Variants in SORCS2 observed in about 807,000 individuals in gnomAD.
SORCS2 encodes VPS10 domain-containing receptor SorCS2.
In SORCS2, 100 loss-of-function variants were observed where a neutral mutation model predicts 141.6. That is an observed-to-expected ratio of 0.71 (90% confidence interval 0.60 to 0.83). SORCS2 has a LOEUF of 0.83. SORCS2 is among the 40% of genes least tolerant of loss of function. The pLI is 0.00. For synonymous variants in SORCS2, 789 were observed against 676.9 expected (o/e 1.17, Z -2.57); for missense variants, 1,646 against 1,560.2 (o/e 1.05, Z -0.93).
intron 1 of SORCS2, among the ~76,000 whole-genome samples, chr4:7,376,346 G>T (rs2109057762): frequency 6.6e-6 from 1 of 152,316 alleles, no homozygotes; most frequent in Non-Finnish European, 1.5e-5. Context: ...GGAAGCCAAG[G>T]CTGGTGGATC....
chr4:7,215,954 C>T (rs1728323890), intron 1 of SORCS2, among the ~76,000 whole-genome samples: 1 of 151,892 alleles, frequency 6.6e-6, no homozygotes. Context: ...CTGCCGGAGC[C>T]AGCAGTGGCA....
chr4:7,332,731 CA>C (rs1362726179), intron 1 of SORCS2, among the ~76,000 whole-genome samples: 1 of 152,230 alleles, frequency 6.6e-6, no homozygotes, highest in African/African-American at 2.4e-5. Context: ...CGAGTGAGCA[CA>C]AGCCCCTCTT....
intron 3 of SORCS2, among the ~76,000 whole-genome samples, chr4:7,617,611 G>A (rs887389609): frequency 5.9e-5 from 9 of 152,220 alleles, no homozygotes; most frequent in Non-Finnish European, 8.8e-5. Flanking sequence ...GGGCACAAGC[G>A]TGGAGCAAGG....
intron 1 of SORCS2, among the ~76,000 whole-genome samples, chr4:7,388,374 G>T (rs1327254136): frequency 3.9e-5 from 6 of 152,216 alleles, no homozygotes; most frequent in Non-Finnish European, 7.3e-5. Context: ...AAAGCCACCT[G>T]TGTTCTGGGA....
intron 2 of SORCS2, chr4:7,433,195 C>A (rs561774379): frequency 5.4e-6 from 6 of 1,105,768 alleles, no homozygotes; most frequent in Non-Finnish European, 7.1e-6. Context: ...TGAACTTCAG[C>A]TCTGCTCCTT....
At position 7,737,311 on chromosome 4, in the gene SORCS2, G is replaced by A; in HGVS notation, c.3415+139G>A. The A allele has an allele frequency of 3.9e-6, 5 of 1,269,656 alleles. No homozygotes were observed. In the South Asian group the frequency reaches 6.1e-5, roughly 15 times the overall value. 78.6% of individuals were successfully genotyped at this position (1,269,656 alleles called of 1,614,324 possible). A position where few individuals can be genotyped will look rare whatever the true frequency, so the allele number is the denominator to read the frequency against. On this transcript the variant is annotated intron_variant, in intron 26 of 26. Transcript: ENST00000507866. Reference sequence around the variant, plus strand: ...CTGGCCCAGCAGCCCTTGCCAGCGGGTCGGTCGGGCCCACTGTGTCCCCTC... The same window carrying A: ...CTGGCCCAGCAGCCCTTGCCAGCGGATCGGTCGGGCCCACTGTGTCCCCTC...
rs116285350 is a variant in SORCS2, at chr4:7,240,504, T to C, written c.480+47378T>C. ...ATAATTAGAAGTGATTATCTTCCTC[T>C]GATTCTGCCGAACGTTTCCCCGTCC... On this transcript the variant is annotated intron_variant, in intron 1 of 26. Coordinates refer to ENST00000507866, the MANE Select transcript of SORCS2 (RefSeq NM_020777.3). 4.1e-3 allele frequency among the ~76,000 whole-genome samples: 618 copies of C among 152,304 alleles called. 4 individuals carry two copies. Among genetic ancestry groups the C allele is most frequent in the African/African-American group, 0.014 (564 of 41,562 alleles).
At chr4:7,481,220 C>T (rs901348385) in intron 2 of SORCS2, among the ~76,000 whole-genome samples, 18 of 152,240 alleles carry the variant, frequency 1.2e-4, no homozygotes, top group African/African-American at 3.9e-4. Context: ...ACAGCGTCTG[C>T]GACCCTGAGA....
At chr4:7,646,060 G>C (rs574237595) in intron 4 of SORCS2, among the ~76,000 whole-genome samples, 1 of 152,246 alleles carries the variant, frequency 6.6e-6, no homozygotes, top group African/African-American at 2.4e-5. Flanking sequence ...TGGGCCTTGC[G>C]CACCCGGCAG....
At chr4:7,397,972 G>A (rs6844106) in intron 2 of SORCS2, among the ~76,000 whole-genome samples, 10,299 of 152,270 alleles carry the variant, frequency 0.068, 454 homozygotes, top group African/African-American at 0.13. Flanking sequence ...GGGGATACCC[G>A]CCTCACAAGT....
chr4:7,403,993 ATATATTTTTTTTTT>A (rs1256646697), intron 2 of SORCS2, among the ~76,000 whole-genome samples: 1,555 of 7,686 alleles, frequency 0.2, 52 homozygotes, highest in Middle Eastern at 0.31. Flanking sequence ...ATATATATAT[ATATATTTTTTTTTT>A]TTTTTTAGTA....
intron 2 of SORCS2, among the ~76,000 whole-genome samples, chr4:7,426,223 T>C (rs1388317662): frequency 6.7e-6 from 1 of 150,304 alleles, no homozygotes; most frequent in Non-Finnish European, 1.5e-5. Context: ...GGGGAAGCCC[T>C]GGGTCTGCTG....
intron 3 of SORCS2, among the ~76,000 whole-genome samples, chr4:7,546,882 T>C (rs753641559): frequency 3.9e-5 from 6 of 152,252 alleles, no homozygotes; most frequent in Non-Finnish European, 7.3e-5. Context: ...TTATCCCTTG[T>C]GCAGTAGGGA....
chr4:7,313,133 C>G (rs1184827303), intron 1 of SORCS2, among the ~76,000 whole-genome samples: 1 of 152,254 alleles, frequency 6.6e-6, no homozygotes, highest in Non-Finnish European at 1.5e-5. Context: ...TAATTTCACC[C>G]AAGCAAATGA....
At chr4:7,406,790 G>A (rs1049058378) in intron 2 of SORCS2, among the ~76,000 whole-genome samples, 37 of 151,546 alleles carry the variant, frequency 2.4e-4, no homozygotes, top group African/African-American at 8.7e-4. Context: ...GTTTTTTCTA[G>A]TTCCTTGATT....
At chr4:7,278,728 A>C (rs1013516895) in intron 1 of SORCS2, among the ~76,000 whole-genome samples, 2 of 152,250 alleles carry the variant, frequency 1.3e-5, no homozygotes, top group African/African-American at 4.8e-5. Context: ...CACAGAGAGC[A>C]GCCTTGCTTT....
intron 3 of SORCS2, among the ~76,000 whole-genome samples, chr4:7,591,766 C>A (rs764519005): frequency 6.6e-6 from 1 of 152,208 alleles, no homozygotes; most frequent in Non-Finnish European, 1.5e-5. Flanking sequence ...TGATGAATCC[C>A]GGCAGAGGCC....
chr4:7,564,007 C>T (rs4290892), intron 3 of SORCS2, among the ~76,000 whole-genome samples: 57,115 of 152,070 alleles, frequency 0.38, 11,661 homozygotes, highest in African/African-American at 0.54. Flanking sequence ...CCTTTGCTTT[C>T]CACATTGGGT....
chr4:7,543,871 TCCAG>T (rs1712991076), intron 3 of SORCS2, among the ~76,000 whole-genome samples: 3 of 68,630 alleles, frequency 4.4e-5, no homozygotes, highest in Admixed American at 1.4e-4. Flanking sequence ...CACCCATCCA[TCCAG>T]CCACCCACCC....
Sources: allele counts gnomAD v4.1 joint callset (sites outside exome capture counted in the v4.1 genomes callset), GRCh38; gene constraint gnomAD v4.1.1; transcripts MANE v1.5; gene names NCBI Gene and HGNC (gene_info 2026-07-23, HGNC 2026-07-21).